SEMA3C: variants seen among roughly 807,000 people sequenced by gnomAD.
SEMA3C encodes semaphorin-3C.
In SEMA3C, 47 loss-of-function variants were observed where a neutral mutation model predicts 89.4. The ratio of observed to expected loss-of-function variants is 0.53; its 90% CI spans 0.42 to 0.67. The LOEUF is 0.67. Among genes scored for constraint, SEMA3C ranks in the 30% least tolerant of loss-of-function variants. SEMA3C has a pLI of 0.00. For synonymous variants in SEMA3C, 310 were observed against 320.2 expected (o/e 0.97, Z 0.34); for missense variants, 839 against 929.1 (o/e 0.90, Z 1.26).
chr7:80,768,545 A>T (rs1273971260), intron 12 of SEMA3C, among the ~76,000 whole-genome samples: 1 of 152,130 alleles, frequency 6.6e-6, no homozygotes, highest in Non-Finnish European at 1.5e-5. Context: ...CCCCGATAAC[A>T]ACTTAGATGA....
upstream of SEMA3C, among the ~76,000 whole-genome samples, chr7:80,920,838 G>T (rs896679642): frequency 5.3e-5 from 8 of 152,142 alleles, no homozygotes; most frequent in African/African-American, 1.9e-4. Flanking sequence ...TTCTGAAACT[G>T]AGTAAGATCC....
At chr7:80,829,259 T>C (rs1311389273) in intron 2 of SEMA3C, among the ~76,000 whole-genome samples, 3 of 152,172 alleles carry the variant, frequency 2.0e-5, no homozygotes, top group Non-Finnish European at 2.9e-5. Context: ...TTTATGGTAA[T>C]AGTATGTGAT....
chr7:80,745,985 A>G (rs1393364276), intron 17 of SEMA3C, among the ~76,000 whole-genome samples: 1 of 152,148 alleles, frequency 6.6e-6, no homozygotes, highest in Non-Finnish European at 1.5e-5. Context: ...TAATTACTTT[A>G]TAGGTTTTAC....
chr7:80,813,739 A>G (rs1210843028), intron 5 of SEMA3C, among the ~76,000 whole-genome samples: 1 of 152,146 alleles, frequency 6.6e-6, no homozygotes. Flanking sequence ...GCCATTATTT[A>G]AACAACCCCT....
intron 2 of SEMA3C, among the ~76,000 whole-genome samples, chr7:80,901,702 G>A (rs945597140): frequency 2.3e-4 from 35 of 152,134 alleles, no homozygotes; most frequent in African/African-American, 8.0e-4. Context: ...ATCATCTGCT[G>A]TTTCATTTCA....
intron 2 of SEMA3C, among the ~76,000 whole-genome samples, chr7:80,879,882 A>G (rs1421835108): frequency 6.6e-6 from 1 of 152,150 alleles, no homozygotes; most frequent in African/African-American, 2.4e-5. Flanking sequence ...CAATCTTACA[A>G]GGTTTCTCTG....
intron 2 of SEMA3C, among the ~76,000 whole-genome samples, chr7:80,882,533 A>C (rs1791371260): frequency 6.6e-6 from 1 of 150,696 alleles, no homozygotes; most frequent in South Asian, 2.1e-4. Context: ...CTCATGACAC[A>C]TAATAGGTAT....
intron 2 of SEMA3C, among the ~76,000 whole-genome samples, chr7:80,870,602 T>G (rs1791033102): frequency 6.6e-6 from 1 of 152,142 alleles, no homozygotes; most frequent in Non-Finnish European, 1.5e-5. Flanking sequence ...GTTACTCAAT[T>G]CTCACATCAA....
Position 80,758,329 on chromosome 7 carries a change from A to C in SEMA3C, c.1643+2T>G. On this transcript the variant is annotated splice_donor_variant, in intron 15 of 17. Transcript: ENST00000265361. LOFTEE classifies it high-confidence loss of function. The stretch of plus-strand genomic sequence containing the variant: ...ATGTTGAGCCGAGTGTTTAGTGCTC[A>C]CCGTTTCCCAGTTGGGTAGAATCTG... 6.2e-7 allele frequency: 1 copy of C among 1,612,126 alleles called. No individual in the cohort carries two copies. Among genetic ancestry groups the C allele is most frequent in the Non-Finnish European group, 8.5e-7 (1 of 1,179,216 alleles).
Position 80,808,327 on chromosome 7 carries a change from T to C in SEMA3C, c.538+2284A>G, listed in dbSNP as rs375462885. On this transcript the variant is annotated intron_variant, in intron 6 of 17. Transcript: ENST00000265361. ...AAACTATATATATATTTAATTACTA[T>C]CAAACACACCACATGGTTTCTGAAG... Among the ~76,000 whole-genome samples the C allele has an allele frequency of 3.0e-3, 457 of 152,282 alleles. 4 individuals carry two copies. The highest frequency in any genetic ancestry group is 0.01 in the African/African-American group (426 of 41,582).
intron 3 of SEMA3C, among the ~76,000 whole-genome samples, chr7:80,827,770 AACAAT>A (rs1180429730): frequency 6.6e-6 from 1 of 152,130 alleles, no homozygotes; most frequent in Non-Finnish European, 1.5e-5. Flanking sequence ...CATAAATGTG[AACAAT>A]ACAATTTTTC....
chr7:80,886,198 T>C (rs1385037669), intron 2 of SEMA3C, among the ~76,000 whole-genome samples: 1 of 151,814 alleles, frequency 6.6e-6, no homozygotes, highest in African/African-American at 2.4e-5. Context: ...ACATATCAAG[T>C]CTACCTTTTT....
chr7:80,891,330 T>G (rs752682857), intron 2 of SEMA3C, among the ~76,000 whole-genome samples: 11 of 152,144 alleles, frequency 7.2e-5, no homozygotes, highest in Non-Finnish European at 1.3e-4. Flanking sequence ...AACCTGTTAC[T>G]GAGTGAGTTC....
At chr7:80,905,323 AGGGGGAG>A (rs1791986980) in intron 2 of SEMA3C, among the ~76,000 whole-genome samples, 1 of 35,196 alleles carries the variant, frequency 2.8e-5, no homozygotes, top group Non-Finnish European at 5.2e-5. Context: ...AGGGGGAGAG[AGGGGGAG>A]GGGTGGAGAG....
chr7:80,862,281 C>T (rs769731741), intron 2 of SEMA3C, among the ~76,000 whole-genome samples: 1 of 152,066 alleles, frequency 6.6e-6, no homozygotes. Context: ...TCAGTAGTAG[C>T]TTGTGTACCA....
intron 2 of SEMA3C, among the ~76,000 whole-genome samples, chr7:80,850,366 G>T (rs1000431318): frequency 6.6e-5 from 10 of 152,106 alleles, no homozygotes; most frequent in African/African-American, 1.9e-4. Flanking sequence ...AAACGGAAAT[G>T]GTATGAATGT....
chr7:80,841,626 G>C (rs1006569330), intron 2 of SEMA3C, among the ~76,000 whole-genome samples: 4 of 152,068 alleles, frequency 2.6e-5, no homozygotes, highest in African/African-American at 9.7e-5. Flanking sequence ...GAATGATGGA[G>C]GACCACCCAC....
At chr7:80,780,531 GTTGTA>G (rs1788666781) in intron 12 of SEMA3C, among the ~76,000 whole-genome samples, 1 of 152,132 alleles carries the variant, frequency 6.6e-6, no homozygotes, top group Non-Finnish European at 1.5e-5. Flanking sequence ...TCAAAAGCTA[GTTGTA>G]TTAAGTTTCT....
At chr7:80,880,566 G>C (rs1791310203) in intron 2 of SEMA3C, among the ~76,000 whole-genome samples, 1 of 152,142 alleles carries the variant, frequency 6.6e-6, no homozygotes, top group African/African-American at 2.4e-5. Flanking sequence ...TATGCCTGGG[G>C]GGAAATGCAA....
Sources: gnomAD v4.1 joint callset for allele counts (sites outside exome capture counted in the v4.1 genomes callset) on GRCh38, gnomAD v4.1.1 for gene constraint, MANE v1.5 for transcripts, NCBI Gene and HGNC (gene_info 2026-07-23, HGNC 2026-07-21) for gene names.